TDRD1: variants seen among roughly 807,000 people sequenced by gnomAD.
The protein encoded by TDRD1 is tudor domain-containing protein 1.
A neutral mutation model predicts 140.6 loss-of-function variants in TDRD1; 37 were observed. That is an observed-to-expected ratio of 0.26 (90% CI 0.20 to 0.35). TDRD1 has a LOEUF of 0.35. Ranked by LOEUF, TDRD1 falls within the 10% of genes least tolerant of loss-of-function variation. The pLI, the probability that TDRD1 is intolerant of heterozygous loss-of-function variation, is 1.00. For missense variants in TDRD1, 1,243 were observed against 1,393.0 expected (o/e 0.89, Z 1.71); for synonymous variants, 506 against 475.7 (o/e 1.06, Z -0.83).
Position 114,222,814 on chromosome 10 carries a change from A to T in TDRD1, c.3007+111A>T, listed in dbSNP as rs2036221871. 12 of 605,966 alleles carry T rather than the reference A, an allele frequency of 2.0e-5. No individual in the cohort carries two copies. In the South Asian group the frequency reaches 2.9e-4, roughly 15 times the overall value. 37.5% of individuals were successfully genotyped at this position (605,966 alleles called of 1,614,324 possible). A position where few individuals can be genotyped will look rare whatever the true frequency, so the allele number is the denominator to read the frequency against. On this transcript the variant is annotated intron_variant, in intron 21 of 25. Coordinates refer to ENST00000251864, the Ensembl canonical transcript of TDRD1. ...GCTGCATATTTCATTTGGTTTAGGG[A>T]GAGAAATTAAGGAAGGCAGTGTTGT...
At chr10:114,203,794 A>G (rs1415721103) in intron 8 of TDRD1, among the ~76,000 whole-genome samples, 1 of 152,178 alleles carries the variant, frequency 6.6e-6, no homozygotes, top group African/African-American at 2.4e-5. Flanking sequence ...CCTGATGGCT[A>G]GTCTTAGAGC....
At chr10:114,232,147 G>GC (rs147325368) in exon 26 of TDRD1, 12,020 of 151,836 alleles carry the variant, frequency 0.079, 636 homozygotes, top group African/African-American at 0.14. Context: ...TGGCCTTTGG[G>GC]CACAGAGTCT....
chr10:114,204,603 A>G, intron 9 of TDRD1, 119 bp from the exon 10 acceptor site: 1 of 981,862 alleles, frequency 1.0e-6, no homozygotes, highest in Non-Finnish European at 1.5e-6. Context: ...CTATCTGATT[A>G]GTACTTGAAG....
intron 2 of TDRD1, among the ~76,000 whole-genome samples, chr10:114,189,487 T>C (rs890672674): frequency 6.6e-6 from 1 of 152,246 alleles, no homozygotes; most frequent in Non-Finnish European, 1.5e-5. Context: ...GAGTTCAAGC[T>C]TTCAAGCAAT....
chr10:114,185,629 C>G (rs1347042887), intron 1 of TDRD1, among the ~76,000 whole-genome samples: 1 of 151,906 alleles, frequency 6.6e-6, no homozygotes, highest in African/African-American at 2.4e-5. Flanking sequence ...CTCTTGTTGC[C>G]CAGGCTGGAG....
upstream of TDRD1, among the ~76,000 whole-genome samples, chr10:114,178,567 G>A (rs1416551476): frequency 3.9e-5 from 6 of 152,278 alleles, no homozygotes; most frequent in South Asian, 2.1e-4. Context: ...AGTTCTCTCC[G>A]CAGTCTTCAA....
chr10:114,216,254 G>C (rs1188437962), intron 16 of TDRD1, among the ~76,000 whole-genome samples: 2 of 152,124 alleles, frequency 1.3e-5, no homozygotes, highest in Non-Finnish European at 2.9e-5. Context: ...TTCTGTTCAG[G>C]AGCCACTCTG....
chr10:114,187,869 A>G, exon 2 of TDRD1: 4 of 1,602,858 alleles, frequency 2.5e-6, no homozygotes, highest in South Asian at 1.1e-5. Context: ...ATGTCAAGAA[A>G]TAATTTGGAA....
At chr10:114,183,726 A>G in intron 1 of TDRD1, among the ~76,000 whole-genome samples, 1 of 140,598 alleles carries the variant, frequency 7.1e-6, no homozygotes, top group African/African-American at 2.7e-5. Flanking sequence ...TTTTTGAGAC[A>G]GTCTCGCTTC....
intron 19 of TDRD1, among the ~76,000 whole-genome samples, chr10:114,221,141 C>G (rs919645811): frequency 2.0e-5 from 3 of 152,040 alleles, no homozygotes; most frequent in African/African-American, 7.2e-5. Flanking sequence ...TGTAATAGTT[C>G]AAGGATTTCA....
chr10:114,189,406 C>G (rs182974553), intron 2 of TDRD1, among the ~76,000 whole-genome samples: 4 of 152,266 alleles, frequency 2.6e-5, no homozygotes, highest in Admixed American at 6.5e-5. Flanking sequence ...ACCTGGCAAG[C>G]ATTTTCTCAA....
chr10:114,216,356 A>G (rs1331971724), intron 16 of TDRD1, among the ~76,000 whole-genome samples: 1 of 152,246 alleles, frequency 6.6e-6, no homozygotes, highest in Non-Finnish European at 1.5e-5. Context: ...AACCTAAGTT[A>G]ACATCTAGTT....
intron 2 of TDRD1, among the ~76,000 whole-genome samples, chr10:114,190,458 CAAG>C (rs1242528970): frequency 4.6e-5 from 7 of 152,082 alleles, no homozygotes; most frequent in Non-Finnish European, 1.0e-4. Context: ...GAGCACTAGT[CAAG>C]AAAATTTTGA....
exon 2 of TDRD1, chr10:114,187,842 A>C: frequency 1.3e-6 from 2 of 1,587,982 alleles, no homozygotes; most frequent in East Asian, 4.5e-5. Flanking sequence ...ATGAGTGTTA[A>C]ATCGCCATTT....
chr10:114,199,272 G>C (rs767606574), exon 4 of TDRD1: 1 of 1,613,852 alleles, frequency 6.2e-7, no homozygotes, highest in East Asian at 2.2e-5. Flanking sequence ...CACCTCCTTA[G>C]GACCTCCTCT....
At chr10:114,221,992 G>T (rs889852100) in intron 20 of TDRD1, among the ~76,000 whole-genome samples, 3 of 152,204 alleles carry the variant, frequency 2.0e-5, no homozygotes, top group African/African-American at 4.8e-5. Context: ...AGTATCTGAA[G>T]ATGAGTTAGT....
chr10:114,203,437 A>G (rs200735151), exon 8 of TDRD1: 1 of 1,613,758 alleles, frequency 6.2e-7, no homozygotes, highest in African/African-American at 1.3e-5. Context: ...GTGCAGTTAT[A>G]TTCTTCAGAA....
At chr10:114,188,288 C>T in intron 2 of TDRD1, 132 bp downstream of exon 2, 1 of 771,922 alleles carries the variant, frequency 1.3e-6, no homozygotes, top group Non-Finnish European at 1.9e-6. Flanking sequence ...ATTTGCATTT[C>T]ATTATTAATT....
chr10:114,179,051 A>G (rs1372622136), upstream of TDRD1, among the ~76,000 whole-genome samples: 2 of 152,198 alleles, frequency 1.3e-5, no homozygotes, highest in Non-Finnish European at 2.9e-5. Context: ...GGCCACGGTG[A>G]CCCAAGTGAC....
Sources: allele counts gnomAD v4.1 joint callset (sites outside exome capture counted in the v4.1 genomes callset), GRCh38; gene constraint gnomAD v4.1.1; transcripts MANE v1.5; gene names NCBI Gene and HGNC (gene_info 2026-07-23, HGNC 2026-07-21).